Variants in CALN1 observed in about 807,000 individuals in gnomAD.
CALN1 encodes the protein calneuron 1, also known as calcium-binding protein 8.
In CALN1, 17 loss-of-function variants were observed where a neutral mutation model predicts 30.6. The ratio of observed to expected loss-of-function variants is 0.56; its 90% CI spans 0.38 to 0.83. The LOEUF (loss-of-function observed/expected upper bound fraction) is 0.83, where lower values mean the gene tolerates loss of function less well. Ranked by LOEUF, CALN1 falls within the 40% of genes least tolerant of loss-of-function variation. CALN1 has a pLI of 0.00. For synonymous variants in CALN1, 156 were observed against 131.4 expected, an observed-to-expected ratio of 1.19 and a Z score of -1.28; for missense variants, 291 against 354.9, an observed-to-expected ratio of 0.82 and a Z score of 1.45.
chr7:72,359,819 C>CA (rs937562837), intron 2 of CALN1, among the ~76,000 whole-genome samples: 150 of 150,908 alleles, frequency 9.9e-4, no homozygotes, highest in Non-Finnish European at 1.8e-3. Context: ...ACTAAAAATA[C>CA]AAAAAAAATT....
At chr7:72,375,736 C>T in intron 2 of CALN1, among the ~76,000 whole-genome samples, 1 of 152,050 alleles carries the variant, frequency 6.6e-6, no homozygotes, top group Non-Finnish European at 1.5e-5. Context: ...CCTGCCTTGG[C>T]CTCCCAAAGC....
At chr7:71,988,264 G>A (rs1289563208) in intron 5 of CALN1, among the ~76,000 whole-genome samples, 2 of 152,186 alleles carry the variant, frequency 1.3e-5, no homozygotes, top group Non-Finnish European at 2.9e-5. Flanking sequence ...AAAATAAGGA[G>A]AAGAAGTTGA....
At chr7:72,218,255 T>C (rs962447752) in intron 3 of CALN1, among the ~76,000 whole-genome samples, 1 of 151,600 alleles carries the variant, frequency 6.6e-6, no homozygotes, top group Non-Finnish European at 1.5e-5. Context: ...GAACCCATCC[T>C]GGCTAACATG....
intron 2 of CALN1, among the ~76,000 whole-genome samples, chr7:72,353,917 T>G (rs1237008991): frequency 1.3e-5 from 2 of 152,212 alleles, no homozygotes; most frequent in South Asian, 4.1e-4. Flanking sequence ...CCGGGCGTAG[T>G]GGCTCACACC....
intron 3 of CALN1, among the ~76,000 whole-genome samples, chr7:72,210,554 T>C (rs989888834): frequency 1.3e-5 from 2 of 151,508 alleles, no homozygotes; most frequent in Non-Finnish European, 1.5e-5. Context: ...CTTACAATCA[T>C]GGGGGAAGGC....
At chr7:72,121,000 C>T (rs984061533) in intron 3 of CALN1, among the ~76,000 whole-genome samples, 2 of 151,388 alleles carry the variant, frequency 1.3e-5, no homozygotes, top group African/African-American at 4.9e-5. Flanking sequence ...AAGCTACTCT[C>T]CTAACTCAAG....
At chr7:72,278,090 A>C (rs1222608244) in intron 3 of CALN1, among the ~76,000 whole-genome samples, 2 of 150,968 alleles carry the variant, frequency 1.3e-5, no homozygotes, top group Admixed American at 1.3e-4. Context: ...CCTAGGATGA[A>C]TTTAGTCATC....
chr7:72,091,370 T>C (rs567845823), intron 4 of CALN1, among the ~76,000 whole-genome samples: 8 of 152,194 alleles, frequency 5.3e-5, no homozygotes, highest in African/African-American at 1.4e-4. Context: ...ATTTATTGTA[T>C]ATTTCAAAAT....
chr7:72,452,605 C>T, the CALN1 span, among the ~76,000 whole-genome samples: 1 of 152,134 alleles, frequency 6.6e-6, no homozygotes, highest in Non-Finnish European at 1.5e-5. Flanking sequence ...GTTTCTTGTA[C>T]AGTCTGTGGA....
chr7:72,262,538 T>C (rs886360728), intron 3 of CALN1, among the ~76,000 whole-genome samples: 5 of 152,204 alleles, frequency 3.3e-5, no homozygotes, highest in African/African-American at 1.2e-4. Context: ...CAGTGTCTAT[T>C]GTTTCCATTA....
chr7:72,496,373 T>C, the CALN1 span, among the ~76,000 whole-genome samples: 5 of 148,272 alleles, frequency 3.4e-5, no homozygotes, highest in African/African-American at 1.3e-4. Context: ...GGATAGTTTG[T>C]ATCAGAAAAA....
chr7:72,156,989 T>C (rs763305545), intron 3 of CALN1, among the ~76,000 whole-genome samples: 34 of 152,194 alleles, frequency 2.2e-4, no homozygotes, highest in South Asian at 4.1e-4. Context: ...AGAGCTGTGA[T>C]TGCCATGGTT....
intron 4 of CALN1, among the ~76,000 whole-genome samples, chr7:72,099,063 C>G (rs1306195740): frequency 6.6e-6 from 1 of 152,154 alleles, no homozygotes; most frequent in Non-Finnish European, 1.5e-5. Flanking sequence ...AGCCGGGCCT[C>G]GTGCCGAAGG....
the CALN1 span, among the ~76,000 whole-genome samples, chr7:72,492,297 C>G: frequency 2.6e-5 from 4 of 152,186 alleles, no homozygotes; most frequent in South Asian, 4.1e-4. Flanking sequence ...TATTGACATA[C>G]CCAAGGTCAG....
At chr7:71,995,771 A>C (rs1362030118) in intron 5 of CALN1, among the ~76,000 whole-genome samples, 1 of 151,836 alleles carries the variant, frequency 6.6e-6, no homozygotes, top group Non-Finnish European at 1.5e-5. Flanking sequence ...ATCTCCACCA[A>C]AACAAACAGC....
intron 4 of CALN1, among the ~76,000 whole-genome samples, chr7:72,103,030 G>A (rs1806791069): frequency 7.2e-6 from 1 of 138,544 alleles, no homozygotes; most frequent in Admixed American, 7.8e-5. Flanking sequence ...CAGAGATTGT[G>A]CCACTGCACT....
At chr7:72,066,114 A>G (rs1804004990) in intron 4 of CALN1, among the ~76,000 whole-genome samples, 1 of 152,184 alleles carries the variant, frequency 6.6e-6, no homozygotes, top group Admixed American at 6.5e-5. Context: ...TTGTTTTTGT[A>G]TAGTTGATTG....
chr7:71,919,295 A>G (rs1377381068), intron 5 of CALN1, among the ~76,000 whole-genome samples: 1 of 152,234 alleles, frequency 6.6e-6, no homozygotes, highest in African/African-American at 2.4e-5. Flanking sequence ...TACAAACGTC[A>G]AAGCCTTGAA....
At chr7:72,343,255 A>C (rs1292304966) in intron 2 of CALN1, among the ~76,000 whole-genome samples, 1 of 152,174 alleles carries the variant, frequency 6.6e-6, no homozygotes, top group Non-Finnish European at 1.5e-5. Flanking sequence ...CAGTTAGCAA[A>C]ATTGCTGCCT....
Sources: gnomAD v4.1 joint callset for allele counts (sites outside exome capture counted in the v4.1 genomes callset) on GRCh38, gnomAD v4.1.1 for gene constraint, MANE v1.5 for transcripts, NCBI Gene and HGNC (gene_info 2026-07-23, HGNC 2026-07-21) for gene names.